Variants in ZNF506 observed in about 807,000 individuals in gnomAD.
ZNF506 encodes the protein zinc finger protein 506.
Under a neutral mutation model 11.6 loss-of-function variants are expected in ZNF506, and 10 were observed. The observed-to-expected ratio is 0.86, with a 90% confidence interval of 0.53 to 1.46. The LOEUF (loss-of-function observed/expected upper bound fraction) is 1.46, where lower values mean the gene tolerates loss of function less well. Among genes scored for constraint, ZNF506 ranks in the 40% most tolerant of loss-of-function variants. The pLI, the probability that ZNF506 is intolerant of heterozygous loss-of-function variation, is 0.00. For missense variants in ZNF506, 425 were observed against 521.2 expected (o/e 0.82, Z 1.80); for synonymous variants, 156 against 173.3 (o/e 0.90, Z 0.78).
At chr19:19,815,520 G>C (rs143095670) in intron 1 of ZNF506, among the ~76,000 whole-genome samples, 101 of 152,334 alleles carry the variant, frequency 6.6e-4, no homozygotes, top group South Asian at 3.9e-3. Flanking sequence ...GTGTACGACA[G>C]AGCAGAGCCT....
intron 3 of ZNF506, among the ~76,000 whole-genome samples, chr19:19,803,684 ACACT>A (rs1362784719): frequency 6.6e-6 from 1 of 151,510 alleles, no homozygotes; most frequent in African/African-American, 2.4e-5. Context: ...GAATCTCATC[ACACT>A]AAGGGCCCAA....
chr19:19,799,233 A>C (rs2062770599), intron 3 of ZNF506: 1 of 371,534 alleles, frequency 2.7e-6, no homozygotes, highest in African/African-American at 2.1e-5. Flanking sequence ...AGCAAATACT[A>C]ACAAAGTTGA....
At chr19:19,817,333 T>C (rs930060277) in intron 1 of ZNF506, among the ~76,000 whole-genome samples, 1 of 129,114 alleles carries the variant, frequency 7.7e-6, no homozygotes, top group South Asian at 2.3e-4. Flanking sequence ...GGAAAGAAAG[T>C]GTTTTTCTGC....
In ZNF506 at chr19:19,795,575, T is replaced by C. The variant is rs1235911135; in HGVS notation, c.312A>G (p.Glu104=). 9 of 1,589,358 alleles carry C rather than the reference T, an allele frequency of 5.7e-6. No homozygotes were observed. The highest frequency in any genetic ancestry group is 1.4e-5 in the African/African-American group (1 of 73,566). ...SFQKVILRRY[E]KCRHDNLQLK... is the part of the protein sequence containing the mutation. ...ACTGTAAATTGTCATGTCTACATTT[T>C]TCATATCTTCTTAGTATCACTTTTT... The change falls in exon 4 of 4, where the codon GAA becomes GAG. Residue 104 remains glutamate, a synonymous_variant. Coordinates refer to ENST00000540806, the MANE Select transcript of ZNF506 (RefSeq NM_001099269.3).
rs577663164 is a variant in ZNF506 at position 19,800,889 on chromosome 19, G to A, written c.226+5142C>T. 8.5e-5 allele frequency among the ~76,000 whole-genome samples: 13 copies of A among 152,072 alleles called. No individual in the cohort carries two copies. The South Asian group carries it at 2.1e-3, about 24-fold the overall frequency. ...TAAAAACCTGTTTCAGGCTGGGAGC[G>A]GTGGCTCGCACCTGTAATCCCAACA... is the stretch of plus-strand genomic sequence containing the variant. On this transcript the variant is annotated intron_variant, in intron 3 of 3. Transcript: ENST00000540806.
intron 1 of ZNF506, among the ~76,000 whole-genome samples, chr19:19,814,511 G>A (rs1469433504): frequency 2.0e-5 from 3 of 151,774 alleles, no homozygotes; most frequent in Admixed American, 6.6e-5. Context: ...TGAACACAAA[G>A]AGGAGAACAA....
At chr19:19,800,006 A>C (rs1190434685) in intron 3 of ZNF506, among the ~76,000 whole-genome samples, 1 of 152,230 alleles carries the variant, frequency 6.6e-6, no homozygotes, top group Non-Finnish European at 1.5e-5. Context: ...CAGCACATGT[A>C]TTATATCACC....
chr19:19,795,682 C>T (rs2062735033), intron 3 of ZNF506, 22 bp from the exon 4 acceptor site: 2 of 1,482,026 alleles, frequency 1.3e-6, no homozygotes, highest in Admixed American at 5.0e-5. Flanking sequence ...AATAAAAACA[C>T]ATGACTTCAA....
At chr19:19,799,374 A>G (rs34277739) in intron 3 of ZNF506, 116,119 of 589,766 alleles carry the variant, frequency 0.2, 12,029 homozygotes, top group East Asian at 0.29. Flanking sequence ...TAATGAAGGT[A>G]TAGAGAACAC....
intron 2 of ZNF506, 74 bp downstream of exon 2, chr19:19,806,868 A>C: frequency 6.5e-7 from 1 of 1,536,972 alleles, no homozygotes; most frequent in Non-Finnish European, 8.8e-7. Flanking sequence ...TAAATTACTA[A>C]AAAACATTCT....
intron 3 of ZNF506, among the ~76,000 whole-genome samples, chr19:19,803,484 C>T (rs1414907658): frequency 2.0e-5 from 3 of 152,288 alleles, no homozygotes; most frequent in East Asian, 3.9e-4. Context: ...TATGCAGAAC[C>T]GTGTGCAAAA....
chr19:19,801,517 G>C (rs1394121461), intron 3 of ZNF506, among the ~76,000 whole-genome samples: 1 of 151,486 alleles, frequency 6.6e-6, no homozygotes, highest in African/African-American at 2.4e-5. Context: ...AGACGGGCAT[G>C]GAGGCTTGAG....
rs376192909 is a variant in ZNF506 at position 19,821,555 on chromosome 19, A to C, written c.3+46T>G. ...CCACAGCCACTTCCTCCCCAGTTCC[A>C]ACCAGCCCCTCTCCCTCTCTCGGGA... On this transcript the variant is annotated intron_variant, in intron 1 of 3. Coordinates refer to ENST00000540806, the MANE Select transcript of ZNF506 (RefSeq NM_001099269.3). 2.5e-6 allele frequency: 4 copies of C among 1,613,656 alleles called. No homozygotes were observed. In the African/African-American group the frequency reaches 5.3e-5, roughly 22 times the overall value.
intron 3 of ZNF506, among the ~76,000 whole-genome samples, chr19:19,803,065 T>C (rs1386381928): frequency 2.0e-5 from 3 of 152,200 alleles, no homozygotes; most frequent in Admixed American, 6.6e-5. Flanking sequence ...TGTTAAAGCT[T>C]AAGATTGAGA....
chr19:19,796,464 C>A (rs189718297), intron 3 of ZNF506: 11 of 151,686 alleles, frequency 7.3e-5, no homozygotes, highest in African/African-American at 2.7e-4. Flanking sequence ...AGTGCAGTGG[C>A]GCAATCTCGG....
chr19:19,806,150 A>G (rs753143974), intron 2 of ZNF506, 24 bp from the exon 3 acceptor site: 2 of 1,547,636 alleles, frequency 1.3e-6, no homozygotes, highest in Admixed American at 1.8e-5. Flanking sequence ...AATAAATAAT[A>G]TGAATCTTGC....
At chr19:19,815,247 G>A (rs535563132) in intron 1 of ZNF506, among the ~76,000 whole-genome samples, 2 of 152,228 alleles carry the variant, frequency 1.3e-5, no homozygotes, top group African/African-American at 2.4e-5. Flanking sequence ...GCAACACAGC[G>A]AGACTCCATC....
chr19:19,793,796 C>T lies in ZNF506; in HGVS notation c.*756G>A, dbSNP rs2062714118. 1 of 152,178 alleles carries T rather than the reference C, an allele frequency of 6.6e-6. No homozygotes were observed. The highest frequency in any genetic ancestry group is 1.5e-5 in the Non-Finnish European group (1 of 68,052). The allele number at this position is 152,178 out of a possible 1,614,324, so 9.4% of individuals were successfully genotyped here. A position where few individuals can be genotyped will look rare whatever the true frequency, so the allele number is the denominator to read the frequency against. Reference sequence around the variant, plus strand: ...CACTCAAAAGTTTTGCCACATTCTTCACACTTGTAGGAGTTTTGGCAGCAT... The same window carrying T: ...CACTCAAAAGTTTTGCCACATTCTTTACACTTGTAGGAGTTTTGGCAGCAT... On this transcript the variant is annotated 3_prime_UTR_variant, in exon 4 of 4. Coordinates refer to ENST00000540806, the MANE Select transcript of ZNF506 (RefSeq NM_001099269.3).
intron 1 of ZNF506, among the ~76,000 whole-genome samples, chr19:19,816,012 C>G (rs773322543): frequency 1.2e-3 from 175 of 152,100 alleles, no homozygotes; most frequent in South Asian, 2.3e-3. Context: ...CCTTTGTGTG[C>G]TCCAGGAACA....
Sources: gnomAD v4.1 joint callset for allele counts (sites outside exome capture counted in the v4.1 genomes callset) on GRCh38, gnomAD v4.1.1 for gene constraint, MANE v1.5 for transcripts, NCBI Gene and HGNC (gene_info 2026-07-23, HGNC 2026-07-21) for gene names.